Variants in ATP7A observed in about 807,000 individuals in gnomAD.
The protein encoded by ATP7A is copper-transporting ATPase 1.
Under a neutral mutation model 83.5 loss-of-function variants are expected in ATP7A, and 7 were observed. The observed-to-expected ratio is 0.08, with a 90% CI of 0.05 to 0.16. The LOEUF is 0.16. Among genes scored for constraint, ATP7A ranks in the 10% least tolerant of loss-of-function variants. The probability of loss-of-function intolerance (pLI) is 1.00; values close to 1 mark genes in which losing one functional copy is unlikely to be tolerated. For missense variants in ATP7A, 940 were observed against 1,120.8 expected (o/e 0.84, Z 2.30); for synonymous variants, 354 against 395.2 (o/e 0.90, Z 1.24).
intron 1 of ATP7A, among the ~76,000 whole-genome samples, chrX:77,954,436 C>G (rs782009064): frequency 7.7e-4 from 87 of 112,330 alleles, no homozygotes; most frequent in African/African-American, 2.7e-3. Flanking sequence ...GCAACTGTGC[C>G]TGGCAAACAT....
chrX:78,029,492 G>T, intron 15 of ATP7A, 48 bp downstream of exon 15: 1 of 1,112,434 alleles, frequency 9.0e-7, no homozygotes. Flanking sequence ...ACTATCAATA[G>T]CACCCCTCAC....
chrX:77,976,747 T>C (rs1209429779), intron 2 of ATP7A, among the ~76,000 whole-genome samples: 3 of 112,603 alleles, frequency 2.7e-5, no homozygotes, highest in African/African-American at 9.7e-5. Context: ...GCTAAGACTA[T>C]GTTGATAGCT....
At chrX:78,011,698 A>G in intron 9 of ATP7A, 24 bp downstream of exon 9, 1 of 1,190,578 alleles carries the variant, frequency 8.4e-7, no homozygotes. Context: ...TAGCAAATAT[A>G]TTTGTTAATA....
At chrX:77,987,047 A>G (rs1461234142) in intron 2 of ATP7A, among the ~76,000 whole-genome samples, 3 of 111,339 alleles carry the variant, frequency 2.7e-5, no homozygotes, top group Admixed American at 9.6e-5. Flanking sequence ...TCTGCCTCAT[A>G]TATCCTTGCT....
intron 2 of ATP7A, among the ~76,000 whole-genome samples, chrX:77,985,744 T>C (rs1286440307): frequency 1.8e-5 from 2 of 111,247 alleles, no homozygotes; most frequent in Non-Finnish European, 3.8e-5. Flanking sequence ...TGTTAACACA[T>C]GTATAGATTT....
At chrX:77,981,239 AT>A (rs1330033561) in intron 2 of ATP7A, among the ~76,000 whole-genome samples, 1 of 111,244 alleles carries the variant, frequency 9.0e-6, no homozygotes, top group Non-Finnish European at 1.9e-5. Context: ...CACCAATACT[AT>A]ATTAGAGTAA....
intron 1 of ATP7A, among the ~76,000 whole-genome samples, chrX:77,932,486 C>T (rs1444319808): frequency 8.9e-6 from 1 of 112,853 alleles, no homozygotes; most frequent in Non-Finnish European, 1.9e-5. Context: ...AGACACTCCT[C>T]ACTTCCCAGA....
intron 4 of ATP7A, among the ~76,000 whole-genome samples, chrX:77,996,936 T>C (rs1199933016): frequency 1.8e-5 from 2 of 111,392 alleles, no homozygotes; most frequent in Non-Finnish European, 3.8e-5. Flanking sequence ...CTTTGGTTTT[T>C]AAAAAAGCAT....
At chrX:78,029,600 T>C (rs1230392409) in intron 15 of ATP7A, among the ~76,000 whole-genome samples, 156 bp downstream of exon 15, 9 of 112,083 alleles carry the variant, frequency 8.0e-5, no homozygotes, top group Non-Finnish European at 1.5e-4. Flanking sequence ...AGGTGTTATT[T>C]TGGTTCTGCT....
chrX:77,916,010 C>T (rs1292809048), intron 1 of ATP7A, among the ~76,000 whole-genome samples: 10 of 111,788 alleles, frequency 8.9e-5, no homozygotes, highest in Non-Finnish European at 7.5e-5. Flanking sequence ...TTTGAGCTAC[C>T]GCTCCCGGCC....
chrX:78,021,125 G>T, intron 14 of ATP7A, 46 bp downstream of exon 14: 1 of 1,144,312 alleles, frequency 8.7e-7, no homozygotes, highest in Non-Finnish European at 1.2e-6. Context: ...AACAATTTGT[G>T]AGTCTTTTGC....
chrX:77,926,295 A>G (rs1603370481), intron 1 of ATP7A, among the ~76,000 whole-genome samples: 1 of 112,387 alleles, frequency 8.9e-6, no homozygotes, highest in East Asian at 2.8e-4. Context: ...TCTGATTAGA[A>G]CATTGATAAA....
rs782216428 is a variant in ATP7A at position 77,939,161 on chromosome X, G to A, written c.-22+28326G>A. Reference sequence around the variant, plus strand: ...AAATACAAAGAATTAGCTGGGTGTGGTGGTGTGTGCTTGTAATCCCAGCTA... The same window carrying A: ...AAATACAAAGAATTAGCTGGGTGTGATGGTGTGTGCTTGTAATCCCAGCTA... On this transcript the variant is annotated intron_variant, in intron 1 of 22. Transcript: ENST00000341514. Among the ~76,000 whole-genome samples the A allele has an allele frequency of 1.5e-3, 169 of 110,708 alleles. 1 individual carries two copies. Among genetic ancestry groups the A allele is most frequent in the African/African-American group, 5.3e-3 (161 of 30,416 alleles).
rs1557238254 is a variant in ATP7A at position 78,040,633 on chromosome X, C to G, written c.3701C>G (p.Pro1234Arg). Residue 1234 changes from proline to arginine, a missense_variant, in exon 19 of 23, where the codon CCT (proline) becomes CGT (arginine). Physicochemically the swap from Pro to Arg is moderately radical, Grantham distance 103 (BLOSUM62 -2). Transcript: ENST00000341514. Reference protein sequence around the residue: ...GLIAIADTVKPEAELAIHILK... With the variant: ...GLIAIADTVKREAELAIHILK... ...ATAGCCATTGCAGACACAGTGAAGC[C>G]TGAAGCAGAACTGGCTATCCATATT... 6 of 1,211,140 alleles carry G rather than the reference C, an allele frequency of 5.0e-6. No individual in the cohort carries two copies. The highest frequency in any genetic ancestry group is 6.7e-6 in the Non-Finnish European group (6 of 894,934).
intron 1 of ATP7A, among the ~76,000 whole-genome samples, chrX:77,929,014 C>A (rs999062877): frequency 2.7e-5 from 3 of 111,182 alleles, no homozygotes; most frequent in East Asian, 5.7e-4. Context: ...AGGGTTTCTG[C>A]AGAACTTTGG....
chrX:77,937,912 T>TACACACAC (rs782577981), intron 1 of ATP7A, among the ~76,000 whole-genome samples: 1 of 95,232 alleles, frequency 1.1e-5, no homozygotes, highest in Non-Finnish European at 2.1e-5. Context: ...CACACACACA[T>TACACACAC]ACACACACAC....
Position 77,989,398 on chromosome X carries a change from C to T in ATP7A, c.776C>T (p.Pro259Leu). 2 of 1,211,265 alleles carry T rather than the reference C, an allele frequency of 1.7e-6. No homozygotes were observed. The highest frequency in any genetic ancestry group is 1.7e-5 in the African/African-American group (1 of 57,734). Reference protein sequence around the residue: ...AIDVERLKNTPVKSSEGSQQR... With the variant: ...AIDVERLKNTLVKSSEGSQQR... The stretch of plus-strand genomic sequence containing the variant: ...GATGTAGAACGTCTAAAGAACACAC[C>T]AGTTAAATCCTCAGAAGGGTCACAG... The change falls in exon 4 of 23, where the codon CCA (proline) becomes CTA (leucine). Residue 259 changes from proline (P) to leucine (L), a missense_variant. Around this residue, in one of 3 missense-constraint regions of ATP7A, gnomAD observed 350 missense variants for 432.8 expected, o/e 0.81. Transcript: ENST00000341514.
rs1423582668 is a variant in ATP7A, at chrX:78,049,252, G to A, written c.*2682G>A. On this transcript the variant is annotated 3_prime_UTR_variant, in exon 23 of 23. Coordinates refer to ENST00000341514, the MANE Select transcript of ATP7A (RefSeq NM_000052.7). ...AAATTTTATAAATGTGTATTTCTGTGTATTCACATACATATATATATACAC... is the reference window on the plus strand; with the variant it reads ...AAATTTTATAAATGTGTATTTCTGTATATTCACATACATATATATATACAC... The A allele has an allele frequency of 2.7e-5, 3 of 111,506 alleles. No individual in the cohort carries two copies. The Admixed American group carries it at 2.9e-4, about 11-fold the overall frequency. The allele number at this position is 111,506 out of a possible 1,213,427, so 9.2% of individuals were successfully genotyped here. A position where few individuals can be genotyped will look rare whatever the true frequency, so the allele number is the denominator to read the frequency against.
intron 1 of ATP7A, among the ~76,000 whole-genome samples, chrX:77,933,813 G>A (rs1420906423): frequency 8.9e-6 from 1 of 111,940 alleles, no homozygotes; most frequent in Non-Finnish European, 1.9e-5. Flanking sequence ...CTACTGGTAA[G>A]CAATCATTTT....
Sources: gnomAD v4.1 joint callset for allele counts (sites outside exome capture counted in the v4.1 genomes callset) on GRCh38, gnomAD v4.1.1 for gene constraint, gnomAD v4.1.1 regional missense constraint, MANE v1.5 for transcripts, NCBI Gene and HGNC (gene_info 2026-07-23, HGNC 2026-07-21) for gene names.